Variants in MAGI2 observed in about 807,000 individuals in gnomAD.
The protein encoded by MAGI2 is membrane associated guanylate kinase, WW and PDZ domain containing 2.
MAGI2 carries 35 observed loss-of-function variants against 133.3 expected under a neutral mutation model. The ratio of observed to expected loss-of-function variants is 0.26; its 90% CI spans 0.20 to 0.35. MAGI2 has a LOEUF of 0.35. Among genes scored for constraint, MAGI2 ranks in the 10% least tolerant of loss-of-function variants. MAGI2 has a pLI of 1.00. For synonymous variants in MAGI2, 729 were observed against 710.6 expected, an observed-to-expected ratio of 1.03 and a Z score of -0.41; for missense variants, 1,636 against 1,863.4, an observed-to-expected ratio of 0.88 and a Z score of 2.25.
chr7:78,913,358 T>C (rs1349980853), intron 2 of MAGI2, among the ~76,000 whole-genome samples: 1 of 152,084 alleles, frequency 6.6e-6, no homozygotes, highest in Admixed American at 6.6e-5. Context: ...TGTTGCACTT[T>C]TGCCTCTCTT....
chr7:79,135,051 T>A (rs1187283776), intron 1 of MAGI2, among the ~76,000 whole-genome samples: 2 of 152,176 alleles, frequency 1.3e-5, no homozygotes, highest in Non-Finnish European at 2.9e-5. Context: ...TTTAGAGACA[T>A]CCTATATTTG....
chr7:78,033,472 CAAAA>C (rs199985014), intron 21 of MAGI2, among the ~76,000 whole-genome samples: 10 of 132,394 alleles, frequency 7.6e-5, no homozygotes, highest in South Asian at 2.4e-4. Flanking sequence ...GAGCTTGTCT[CAAAA>C]AAAAAAAAAA....
In MAGI2 at chr7:78,159,170, C is replaced by T. The variant is rs149980630; in HGVS notation, c.2845+855G>A. Among the ~76,000 whole-genome samples, 17 of 152,310 alleles carry T rather than the reference C, an allele frequency of 1.1e-4. 1 individual carries two copies. In the East Asian group the frequency reaches 1.9e-3, roughly 17 times the overall value. On this transcript the variant is annotated intron_variant, in intron 16 of 21. Transcript: ENST00000354212. ...CTGTCTCCCCGCACAGCCGGCTCTACGTAAATTACTCTTTCTCCATCGCAA... is the reference window on the plus strand; with the variant it reads ...CTGTCTCCCCGCACAGCCGGCTCTATGTAAATTACTCTTTCTCCATCGCAA...
intron 1 of MAGI2, among the ~76,000 whole-genome samples, chr7:79,191,127 AT>A (rs1243925007): frequency 2.0e-5 from 3 of 151,532 alleles, no homozygotes; most frequent in African/African-American, 7.3e-5. Context: ...TTCTTTTTTT[AT>A]ATTTTAAAAA....
intron 3 of MAGI2, among the ~76,000 whole-genome samples, chr7:78,554,282 C>T (rs1419955677): frequency 4.6e-5 from 7 of 152,146 alleles, no homozygotes; most frequent in Non-Finnish European, 1.0e-4. Flanking sequence ...TGTGTAAGCG[C>T]TTGTGAAAGT....
chr7:78,432,992 A>AT (rs1338182720), intron 6 of MAGI2, among the ~76,000 whole-genome samples: 7 of 152,084 alleles, frequency 4.6e-5, no homozygotes, highest in Non-Finnish European at 1.0e-4. Flanking sequence ...TGTATAAAAT[A>AT]ACCTGGGTTG....
At chr7:78,548,926 T>A (rs752687570) in intron 3 of MAGI2, among the ~76,000 whole-genome samples, 10 of 152,236 alleles carry the variant, frequency 6.6e-5, no homozygotes, top group Non-Finnish European at 1.2e-4. Context: ...ATGAGATTGC[T>A]TTAAAAAGCA....
At chr7:78,249,796 G>A (rs530344379) in intron 10 of MAGI2, among the ~76,000 whole-genome samples, 3 of 152,000 alleles carry the variant, frequency 2.0e-5, no homozygotes, top group African/African-American at 7.2e-5. Flanking sequence ...TGCACATTAG[G>A]TTGACTATAG....
intron 2 of MAGI2, among the ~76,000 whole-genome samples, chr7:78,808,319 T>G (rs112492832): frequency 0.025 from 3,822 of 152,178 alleles, 134 homozygotes; most frequent in African/African-American, 0.079. Context: ...TGCAGTGGCA[T>G]GATCTCGGCT....
chr7:78,560,297 T>C (rs1331341416), intron 3 of MAGI2, among the ~76,000 whole-genome samples: 1 of 152,202 alleles, frequency 6.6e-6, no homozygotes, highest in East Asian at 1.9e-4. Flanking sequence ...CATGCACAGA[T>C]GTCCAACTGA....
chr7:78,786,208 C>T (rs1826806507), intron 2 of MAGI2, among the ~76,000 whole-genome samples: 2 of 152,082 alleles, frequency 1.3e-5, no homozygotes, highest in South Asian at 2.1e-4. Context: ...CGCAGCAAAT[C>T]CTGCCAGCTG....
chr7:78,445,644 C>G (rs919619817), intron 6 of MAGI2, among the ~76,000 whole-genome samples: 4 of 151,986 alleles, frequency 2.6e-5, no homozygotes, highest in Non-Finnish European at 5.9e-5. Context: ...CTGAAACGCA[C>G]ATATAATTTC....
chr7:78,478,381 G>A (rs1331021211), intron 6 of MAGI2, among the ~76,000 whole-genome samples: 1 of 151,784 alleles, frequency 6.6e-6, no homozygotes, highest in African/African-American at 2.4e-5. Context: ...GACACACATT[G>A]ATATCCATTT....
At chr7:79,139,350 C>T (rs1693423552) in intron 1 of MAGI2, among the ~76,000 whole-genome samples, 1 of 152,156 alleles carries the variant, frequency 6.6e-6, no homozygotes, top group African/African-American at 2.4e-5. Flanking sequence ...AAGGTCTTTT[C>T]TTCTATAATC....
At position 78,019,530 on chromosome 7, in the gene MAGI2, C is replaced by T; in HGVS notation, c.4153G>A (p.Ala1385Thr). ...SELCRREGPG[A>T]APAFAGPGGG... ...CCCGGGCCGGCAAACGCCGGCGCAG[C>T]CCCCGGGCCTTCGCGCCGGCAGAGC... Residue 1385 changes from alanine (A) to threonine (T), a missense_variant, in exon 22 of 22, where the codon GCT (alanine) becomes ACT (threonine). By Grantham distance (58) the Ala-to-Thr change is moderately conservative (BLOSUM62 0). This residue lies in a region of MAGI2 where 354 missense variants were observed against 298.7 expected (regional missense o/e 1.19). Coordinates refer to ENST00000354212, the MANE Select transcript of MAGI2 (RefSeq NM_012301.4). 1 of 980,080 alleles carries T rather than the reference C, an allele frequency of 1.0e-6. No homozygotes were observed. Among genetic ancestry groups the T allele is most frequent in the Non-Finnish European group, 1.2e-6 (1 of 827,920 alleles). 60.7% of individuals were successfully genotyped at this position (980,080 alleles called of 1,614,324 possible).
At chr7:78,051,686 G>A (rs763637935) in intron 21 of MAGI2, among the ~76,000 whole-genome samples, 13 of 152,192 alleles carry the variant, frequency 8.5e-5, no homozygotes, top group South Asian at 8.3e-4. Context: ...CTGTGTTCAA[G>A]TGATTCTCGT....
At chr7:79,027,940 A>G (rs1197645808) in intron 1 of MAGI2, among the ~76,000 whole-genome samples, 2 of 152,030 alleles carry the variant, frequency 1.3e-5, no homozygotes, top group African/African-American at 2.4e-5. Flanking sequence ...AGAGGACAGT[A>G]AGAAAAACAT....
At chr7:79,299,301 G>A (rs2061528651) in intron 1 of MAGI2, among the ~76,000 whole-genome samples, 1 of 151,960 alleles carries the variant, frequency 6.6e-6, no homozygotes. Flanking sequence ...AAAAGAAGAT[G>A]ATGTAACTGG....
chr7:78,955,733 CTT>C (rs560339274), intron 2 of MAGI2, among the ~76,000 whole-genome samples: 2,513 of 48,962 alleles, frequency 0.051, 42 homozygotes, highest in Admixed American at 0.098. Flanking sequence ...CTCTTTCTTT[CTT>C]TCTTTCTTTC....
Sources: allele counts gnomAD v4.1 joint callset (sites outside exome capture counted in the v4.1 genomes callset), GRCh38; gene constraint gnomAD v4.1.1; regional missense constraint gnomAD v4.1.1; transcripts MANE v1.5; gene names NCBI Gene and HGNC (gene_info 2026-07-23, HGNC 2026-07-21).